The following CEACAM21 variants were observed in gnomAD, a reference collection of about 807,000 sequenced individuals.
CEACAM21 encodes CEA cell adhesion molecule 21.
In CEACAM21, 38 loss-of-function variants were observed where a neutral mutation model predicts 33.2. The observed-to-expected ratio is 1.14, with a 90% confidence interval of 0.88 to 1.50. CEACAM21 has a LOEUF of 1.50. Among genes scored for constraint, CEACAM21 ranks in the 40% most tolerant of loss-of-function variants. CEACAM21 has a pLI of 0.00. For synonymous variants in CEACAM21, 156 were observed against 143.0 expected (o/e 1.09, Z -0.65); for missense variants, 385 against 364.6 (o/e 1.06, Z -0.46).
intron 1 of CEACAM21, 100 bp from the exon 2 acceptor site, chr19:41,577,100 C>CA: frequency 7.4e-7 from 1 of 1,347,224 alleles, no homozygotes; most frequent in African/African-American, 1.5e-5. Context: ...CACACACACA[C>CA]CCTCTAAGGC....
At chr19:41,578,683 C>T (rs914668622) in intron 2 of CEACAM21, among the ~76,000 whole-genome samples, 4 of 152,162 alleles carry the variant, frequency 2.6e-5, no homozygotes, top group Non-Finnish European at 5.9e-5. Context: ...TTACTTAGAA[C>T]GAAATCACCT....
At chr19:41,559,847 G>T (rs1468713333) in intron 1 of CEACAM21, among the ~76,000 whole-genome samples, 2 of 152,206 alleles carry the variant, frequency 1.3e-5, no homozygotes, top group African/African-American at 4.8e-5. Context: ...GATGCTGCAT[G>T]CTTGTAGTCC....
intron 2 of CEACAM21, among the ~76,000 whole-genome samples, chr19:41,578,709 C>G (rs1555792195): frequency 6.6e-6 from 1 of 152,200 alleles, no homozygotes; most frequent in African/African-American, 2.4e-5. Flanking sequence ...AACTATCAGA[C>G]TCAATGCCAG....
chr19:41,554,694 G>A (rs11881717), intron 1 of CEACAM21, among the ~76,000 whole-genome samples: 4,394 of 151,910 alleles, frequency 0.029, 223 homozygotes, highest in African/African-American at 0.1. Flanking sequence ...TTGACCATAA[G>A]GTAACATTTT....
intron 1 of CEACAM21, chr19:41,555,062 C>T (rs1474993340): frequency 6.6e-6 from 1 of 152,058 alleles, no homozygotes; most frequent in East Asian, 1.9e-4. Flanking sequence ...TTTGCTCCAT[C>T]TCAAGCTCAG....
intron 2 of CEACAM21, among the ~76,000 whole-genome samples, chr19:41,570,092 A>C (rs1411503257): frequency 6.6e-6 from 1 of 152,194 alleles, no homozygotes; most frequent in African/African-American, 2.4e-5. Flanking sequence ...CCACAGCGAC[A>C]GCGCTGATGG....
At chr19:41,580,070 A>T (rs1465276638) in intron 3 of CEACAM21, among the ~76,000 whole-genome samples, 1 of 152,176 alleles carries the variant, frequency 6.6e-6, no homozygotes, top group East Asian at 1.9e-4. Context: ...TATCACTTTC[A>T]CTTACCAGTT....
At chr19:41,568,168 T>G (rs1208931555) in intron 2 of CEACAM21, among the ~76,000 whole-genome samples, 1 of 151,622 alleles carries the variant, frequency 6.6e-6, no homozygotes, top group African/African-American at 2.4e-5. Context: ...TCTTATCAGA[T>G]GTATATATTT....
At chr19:41,582,541 T>C (rs1316528877) in intron 3 of CEACAM21, among the ~76,000 whole-genome samples, 1 of 152,224 alleles carries the variant, frequency 6.6e-6, no homozygotes, top group Non-Finnish European at 1.5e-5. Context: ...CACCTGGACA[T>C]CCAAGCATTT....
intron 1 of CEACAM21, among the ~76,000 whole-genome samples, chr19:41,559,133 GT>G (rs2041717276): frequency 2.6e-5 from 4 of 152,212 alleles, no homozygotes; most frequent in South Asian, 2.1e-4. Context: ...TTTACTGGAA[GT>G]TTTTTAAAGC....
At position 41,559,641 on chromosome 19, in the gene CEACAM21, G is replaced by C. The variant is rs374959012; in HGVS notation, c.-778-5041G>C. 1.4e-3 allele frequency among the ~76,000 whole-genome samples: 210 copies of C among 152,226 alleles called. 1 individual carries two copies. The highest frequency in any genetic ancestry group is 4.9e-3 in the African/African-American group (202 of 41,548). On this transcript the variant is annotated intron_variant, in intron 1 of 7. Transcript: ENST00000407170. ...TCTTTAAAAAGCAAAGTTCCAGCAG[G>C]ATTATTAAGAAAAAGTGAGAGAAGA...
At chr19:41,556,573 G>C (rs781984623) in intron 1 of CEACAM21, among the ~76,000 whole-genome samples, 1 of 152,156 alleles carries the variant, frequency 6.6e-6, no homozygotes, top group African/African-American at 2.4e-5. Context: ...AAAGAATTGC[G>C]ATTTCCACTC....
At chr19:41,574,762 A>G (rs1429243809), upstream of CEACAM21, among the ~76,000 whole-genome samples, 2 of 152,230 alleles carry the variant, frequency 1.3e-5, no homozygotes, top group Admixed American at 1.3e-4. Context: ...TAGCACAGCA[A>G]ACTGGAAAAC....
In CEACAM21 at chr19:41,553,253, C is replaced by T. The variant is rs574075204; in HGVS notation, c.-779+3701C>T. On this transcript the variant is annotated intron_variant, in intron 1 of 7. Transcript: ENST00000407170. ...TTGAGTAGCTGGGATTACAGGCACCCGCCATCATGCCCGGCTCATTTTTGT... is the reference window on the plus strand; with the variant it reads ...TTGAGTAGCTGGGATTACAGGCACCTGCCATCATGCCCGGCTCATTTTTGT... Among the ~76,000 whole-genome samples the T allele has an allele frequency of 9.0e-4, 137 of 151,920 alleles. 2 individuals carry two copies. The highest frequency in any genetic ancestry group is 1.7e-3 in the Non-Finnish European group (115 of 67,868).
chr19:41,559,495 T>C (rs2041738942), intron 1 of CEACAM21, among the ~76,000 whole-genome samples: 1 of 152,176 alleles, frequency 6.6e-6, no homozygotes, highest in Non-Finnish European at 1.5e-5. Flanking sequence ...CATGAGCTAC[T>C]TACCCATTTT....
intron 1 of CEACAM21, chr19:41,550,636 T>C (rs2041149691): frequency 6.6e-6 from 1 of 152,124 alleles, no homozygotes; most frequent in South Asian, 2.1e-4. Context: ...CCGGGTGTGG[T>C]GGCGCATGCC....
chr19:41,549,821 C>T (rs1460586376), intron 1 of CEACAM21, among the ~76,000 whole-genome samples: 1 of 152,152 alleles, frequency 6.6e-6, no homozygotes, highest in Non-Finnish European at 1.5e-5. Context: ...ATCTCCTGAG[C>T]AGCTGGGACT....
At position 41,577,574 on chromosome 19, in the gene CEACAM21, C is replaced by T. The variant is rs1442501124; in HGVS notation, c.424+15C>T. On this transcript the variant is annotated intron_variant, in intron 2 of 6. Coordinates refer to ENST00000401445, the MANE Select transcript of CEACAM21 (RefSeq NM_001098506.4). Reference sequence around the variant, plus strand: ...CCGTGTATACGGTGAGTGATTCCTCCGTGCCTCTGGGTGTTGGGGGTCAGT... The same window carrying T: ...CCGTGTATACGGTGAGTGATTCCTCTGTGCCTCTGGGTGTTGGGGGTCAGT... The T allele has an allele frequency of 3.1e-6, 5 of 1,611,430 alleles. No homozygotes were observed. The highest frequency in any genetic ancestry group is 3.4e-5 in the Admixed American group (2 of 59,420).
chr19:41,586,503 G>A lies in CEACAM21; in HGVS notation c.*40G>A, dbSNP rs782510652. On this transcript the variant is annotated 3_prime_UTR_variant, in exon 7 of 7. Coordinates refer to ENST00000401445, the MANE Select transcript of CEACAM21 (RefSeq NM_001098506.4). ...TGACACAAACATTTACTGCTGGATCGACCACAAAGCAGATGTGGCTTCTTA... is the reference window on the plus strand; with the variant it reads ...TGACACAAACATTTACTGCTGGATCAACCACAAAGCAGATGTGGCTTCTTA... The A allele has an allele frequency of 7.9e-6, 5 of 636,848 alleles. No individual in the cohort carries two copies. The highest frequency in any genetic ancestry group is 4.1e-5 in the South Asian group (3 of 73,412). 39.4% of individuals were successfully genotyped at this position (636,848 alleles called of 1,614,324 possible).
Sources: allele counts gnomAD v4.1 joint callset (sites outside exome capture counted in the v4.1 genomes callset), GRCh38; gene constraint gnomAD v4.1.1; transcripts MANE v1.5; gene names NCBI Gene and HGNC (gene_info 2026-07-23, HGNC 2026-07-21).